The following AMPH variants were observed in gnomAD, a reference collection of about 807,000 sequenced individuals.
The protein encoded by AMPH is amphiphysin, also known as amphiphysin (Stiff-Mann syndrome with breast cancer 128kD autoantigen).
AMPH carries 49 observed loss-of-function variants against 99.1 expected under a neutral mutation model. The observed-to-expected ratio is 0.49, with a 90% CI of 0.39 to 0.63. The LOEUF (loss-of-function observed/expected upper bound fraction) is 0.63, where lower values mean the gene tolerates loss of function less well. AMPH is among the 20% of genes least tolerant of loss of function. The pLI, the probability that AMPH is intolerant of heterozygous loss-of-function variation, is 0.00. For synonymous variants in AMPH, 314 were observed against 317.3 expected, an observed-to-expected ratio of 0.99 and a Z score of 0.11; for missense variants, 759 against 863.4, an observed-to-expected ratio of 0.88 and a Z score of 1.52.
At chr7:38,489,410 G>C (rs185824165) in intron 5 of AMPH, among the ~76,000 whole-genome samples, 68 of 152,066 alleles carry the variant, frequency 4.5e-4, no homozygotes, top group African/African-American at 1.6e-3. Context: ...AAGTTGAGGG[G>C]GGGGGAAGCT....
intron 1 of AMPH, among the ~76,000 whole-genome samples, chr7:38,595,103 T>C (rs1793004354): frequency 6.6e-6 from 1 of 152,256 alleles, no homozygotes; most frequent in South Asian, 2.1e-4. Context: ...CTGAGCTCCA[T>C]GACCAGGGAG....
chr7:38,464,113 GA>G lies in AMPH; in HGVS notation c.750-1001del, dbSNP rs576322536. 4.4e-4 allele frequency: 571 copies of G among 1,289,532 alleles called. 2 individuals are homozygous for G. In the African/African-American group the frequency reaches 8.2e-3, roughly 18 times the overall value. The allele number at this position is 1,289,532 out of a possible 1,614,324, so 79.9% of individuals were successfully genotyped here. A position where few individuals can be genotyped will look rare whatever the true frequency, so the allele number is the denominator to read the frequency against. On this transcript the variant is annotated intron_variant, in intron 9 of 20. Transcript: ENST00000356264. ...CCACCTCATTCTGCAGAGGAATGTT[GA>G]AAAAAAGTGAAAGGAACATTCATTA...
intron 18 of AMPH, 88 bp downstream of exon 18, chr7:38,393,917 A>G: frequency 1.6e-6 from 2 of 1,287,360 alleles, no homozygotes; most frequent in Non-Finnish European, 2.2e-6. Context: ...TTATACATCC[A>G]AAGAGTTATC....
At chr7:38,559,888 G>A (rs1221565104) in intron 1 of AMPH, among the ~76,000 whole-genome samples, 6 of 152,132 alleles carry the variant, frequency 3.9e-5, no homozygotes, top group South Asian at 2.1e-4. Flanking sequence ...CACCTATGGC[G>A]CCTGTATACA....
At chr7:38,608,653 C>T (rs1414111152) in intron 1 of AMPH, among the ~76,000 whole-genome samples, 2 of 152,196 alleles carry the variant, frequency 1.3e-5, no homozygotes, top group East Asian at 1.9e-4. Flanking sequence ...CTACAGACAC[C>T]AATAATCAAT....
intron 11 of AMPH, among the ~76,000 whole-genome samples, chr7:38,453,967 G>A (rs1787135592): frequency 6.6e-6 from 1 of 152,200 alleles, no homozygotes; most frequent in South Asian, 2.1e-4. Context: ...GTTTGTCCCA[G>A]GACAACTGGG....
At position 38,394,041 on chromosome 7, in the gene AMPH, T is replaced by G; in HGVS notation, c.1572A>C (p.Gln524His). Residue 524 changes from glutamine to histidine, a missense_variant, in exon 18 of 21, where the codon CAA becomes CAC. This residue lies in a region of AMPH where 554 missense variants were observed against 575.6 expected (regional missense o/e 0.96). Coordinates refer to ENST00000356264, the MANE Select transcript of AMPH (RefSeq NM_001635.4). Reference protein sequence around the residue: ...TETTEGAESAQPEAEELEATV... With the variant: ...TETTEGAESAHPEAEELEATV... Reference sequence around the variant, plus strand: ...TTGCTTCGAGCTCCTCTGCTTCAGGTTGGGCACTCTCTGCACCCTCAGTGG... The same window carrying G: ...TTGCTTCGAGCTCCTCTGCTTCAGGGTGGGCACTCTCTGCACCCTCAGTGG... The G allele has an allele frequency of 6.2e-7, 1 of 1,614,194 alleles. No individual in the cohort carries two copies. The highest frequency in any genetic ancestry group is 8.5e-7 in the Non-Finnish European group (1 of 1,180,024).
At chr7:38,416,643 C>T (rs1785393595) in intron 17 of AMPH, among the ~76,000 whole-genome samples, 1 of 152,056 alleles carries the variant, frequency 6.6e-6, no homozygotes, top group Non-Finnish European at 1.5e-5. Context: ...TTTTTCCCTT[C>T]CTTTGTTATT....
At chr7:38,429,549 C>T in intron 14 of AMPH, 2 of 1,413,736 alleles carry the variant, frequency 1.4e-6, no homozygotes, top group Middle Eastern at 1.8e-4. Flanking sequence ...GATCAGGTTA[C>T]ACAAGGAAAG....
At chr7:38,539,343 G>A (rs1424302962) in intron 1 of AMPH, among the ~76,000 whole-genome samples, 2 of 152,214 alleles carry the variant, frequency 1.3e-5, no homozygotes, top group African/African-American at 4.8e-5. Context: ...AGAAGAGCAA[G>A]TAGGTACTCT....
chr7:38,571,342 A>G (rs1454156643), intron 1 of AMPH, among the ~76,000 whole-genome samples: 1 of 52,264 alleles, frequency 1.9e-5, no homozygotes, highest in African/African-American at 7.6e-5. Context: ...TTATATATAG[A>G]ATATATATAT....
At chr7:38,611,706 C>T (rs1385698536) in intron 1 of AMPH, among the ~76,000 whole-genome samples, 1 of 152,190 alleles carries the variant, frequency 6.6e-6, no homozygotes, top group Non-Finnish European at 1.5e-5. Context: ...AGAAATTAAA[C>T]CAAGAGTTGA....
intron 1 of AMPH, among the ~76,000 whole-genome samples, chr7:38,558,992 A>G (rs187795882): frequency 8.1e-4 from 123 of 152,340 alleles, no homozygotes; most frequent in African/African-American, 2.8e-3. Flanking sequence ...AGACATAAGG[A>G]AATTTATATA....
At chr7:38,449,651 C>A (rs2129002570) in intron 11 of AMPH, among the ~76,000 whole-genome samples, 1 of 152,322 alleles carries the variant, frequency 6.6e-6, no homozygotes, top group African/African-American at 2.4e-5. Flanking sequence ...TGTTGGTAAT[C>A]CACCAGGGCA....
chr7:38,481,077 G>C (rs549743061), intron 5 of AMPH, among the ~76,000 whole-genome samples: 15 of 152,232 alleles, frequency 9.9e-5, no homozygotes, highest in African/African-American at 3.6e-4. Context: ...CAATTACAAG[G>C]ATAGCTTACC....
At chr7:38,607,307 G>A (rs1364287520) in intron 1 of AMPH, among the ~76,000 whole-genome samples, 1 of 152,126 alleles carries the variant, frequency 6.6e-6, no homozygotes, top group Non-Finnish European at 1.5e-5. Flanking sequence ...CAACTAACCA[G>A]CACTTCAAAT....
intron 5 of AMPH, among the ~76,000 whole-genome samples, chr7:38,482,443 C>A (rs1788321389): frequency 6.6e-6 from 1 of 152,104 alleles, no homozygotes; most frequent in African/African-American, 2.4e-5. Flanking sequence ...AGCTCTTCAT[C>A]TTTCTGACAT....
chr7:38,417,311 T>TAC (rs35295779), intron 17 of AMPH, among the ~76,000 whole-genome samples: 2 of 151,890 alleles, frequency 1.3e-5, no homozygotes, highest in East Asian at 3.8e-4. Context: ...CGTATTATTA[T>TAC]GAGTCATCAG....
In AMPH at chr7:38,453,866, T is replaced by C. The variant is rs529869558; in HGVS notation, c.1017+7417A>G. 1.1e-4 allele frequency among the ~76,000 whole-genome samples: 16 copies of C among 152,288 alleles called. No individual in the cohort carries two copies. The South Asian group carries it at 3.3e-3, about 32-fold the overall frequency. On this transcript the variant is annotated intron_variant, in intron 11 of 20. Transcript: ENST00000356264. ...TATTGTTGCCTTAAAACACTCCCAGTTCGAAAATTCATGTAGCGAACAAAG... is the reference window on the plus strand; with the variant it reads ...TATTGTTGCCTTAAAACACTCCCAGCTCGAAAATTCATGTAGCGAACAAAG...
Sources: gnomAD v4.1 joint callset for allele counts (sites outside exome capture counted in the v4.1 genomes callset) on GRCh38, gnomAD v4.1.1 for gene constraint, gnomAD v4.1.1 regional missense constraint, MANE v1.5 for transcripts, NCBI Gene and HGNC (gene_info 2026-07-23, HGNC 2026-07-21) for gene names.